Variants in ZNF350 observed in about 807,000 individuals in gnomAD.
ZNF350 encodes the protein zinc finger protein 350.
A neutral mutation model predicts 13.1 loss-of-function variants in ZNF350; 5 were observed. The observed-to-expected ratio is 0.38, with a 90% CI of 0.20 to 0.80. ZNF350 has a LOEUF of 0.80. ZNF350 is among the 30% of genes least tolerant of loss of function. ZNF350 has a pLI of 0.43. For synonymous variants in ZNF350, 199 were observed against 224.2 expected (o/e 0.89, Z 1.00); for missense variants, 534 against 644.2 (o/e 0.83, Z 1.85).
chr19:51,968,528 A>T, intron 4 of ZNF350, 50 bp downstream of exon 4: 4 of 1,533,902 alleles, frequency 2.6e-6, no homozygotes, highest in Non-Finnish European at 1.8e-6. Context: ...GCCTTCTCTG[A>T]CTGTCTAGAA....
intron 1 of ZNF350, chr19:51,984,194 A>G (rs1240694780): frequency 6.6e-6 from 1 of 152,020 alleles, no homozygotes; most frequent in South Asian, 2.1e-4. Context: ...TAAAAAAAAA[A>G]AAAAAAATCA....
chr19:51,978,542 G>A (rs940603817), intron 1 of ZNF350, among the ~76,000 whole-genome samples: 1 of 152,036 alleles, frequency 6.6e-6, no homozygotes, highest in African/African-American at 2.4e-5. Context: ...GAGAAATGAG[G>A]AAATAAAGGG....
chr19:51,965,883 T>C lies in ZNF350; in HGVS notation c.570A>G (p.Gln190=), dbSNP rs777570069. 3 of 1,614,128 alleles carry C rather than the reference T, an allele frequency of 1.9e-6. No homozygotes were observed. The highest frequency in any genetic ancestry group is 1.7e-5 in the Admixed American group (1 of 60,014). ...ASQKLISTKS[Q]FISPKHQKTR... is the part of the protein sequence containing the mutation. ...TTTTCTGATGCTTGGGACTGATGAA[T>C]TGGGACTTAGTGCTGATGAGTTTTT... The change falls in exon 5 of 5, where the codon CAA becomes CAG. Residue 190 remains glutamine (Q), a synonymous_variant. Transcript: ENST00000243644.
At chr19:51,983,716 C>T (rs2086108160) in intron 1 of ZNF350, among the ~76,000 whole-genome samples, 1 of 152,146 alleles carries the variant, frequency 6.6e-6, no homozygotes, top group Non-Finnish European at 1.5e-5. Context: ...CCCACCATTA[C>T]CCTATAGTCC....
intron 4 of ZNF350, among the ~76,000 whole-genome samples, chr19:51,966,443 C>T (rs1431893311): frequency 6.6e-6 from 1 of 151,588 alleles, no homozygotes. Context: ...GCTACCATGC[C>T]CGGCTAATTT....
At chr19:51,969,639 C>T (rs2085679405) in intron 2 of ZNF350, among the ~76,000 whole-genome samples, 1 of 151,966 alleles carries the variant, frequency 6.6e-6, no homozygotes, top group South Asian at 2.1e-4. Context: ...CAAGACCAGC[C>T]TGGGCAACAT....
At chr19:51,984,440 C>T (rs188509342) in intron 1 of ZNF350, among the ~76,000 whole-genome samples, 125 of 152,266 alleles carry the variant, frequency 8.2e-4, no homozygotes, top group Admixed American at 1.4e-3. Flanking sequence ...GTAAGTGGTA[C>T]AACCACTTTA....
intron 2 of ZNF350, among the ~76,000 whole-genome samples, chr19:51,971,493 A>G (rs919621211): frequency 6.6e-5 from 10 of 152,312 alleles, no homozygotes; most frequent in South Asian, 2.1e-4. Context: ...ATCAAACAGC[A>G]AACTGTTTAT....
At chr19:51,969,894 T>C (rs2085685990) in intron 2 of ZNF350, among the ~76,000 whole-genome samples, 1 of 152,158 alleles carries the variant, frequency 6.6e-6, no homozygotes, top group Non-Finnish European at 1.5e-5. Context: ...TCCTCCCATA[T>C]ACATTTCTGT....
rs764888407 is a variant in ZNF350 at position 51,965,138 on chromosome 19, CAGG to C, written c.1312_1314del (p.Pro438del). On this transcript the variant is annotated inframe_deletion, in exon 5 of 5. Transcript: ENST00000243644. ...GTGTGTAATGAGCTGTGCCTCTCTG[CAGG>C]AGGATTTTCCACCTTGGCTGCCTCT... is the stretch of plus-strand genomic sequence containing the variant. 1 of 1,614,224 alleles carries C rather than the reference CAGG, an allele frequency of 6.2e-7. No homozygotes were observed. Among genetic ancestry groups the C allele is most frequent in the Non-Finnish European group, 8.5e-7 (1 of 1,180,046 alleles).
intron 2 of ZNF350, chr19:51,974,136 A>G: frequency 2.1e-6 from 1 of 470,276 alleles, no homozygotes; most frequent in Non-Finnish European, 3.7e-6. Flanking sequence ...ATGGTGTCAC[A>G]AAATTCATAA....
chr19:51,978,030 A>G (rs938573699), intron 1 of ZNF350, among the ~76,000 whole-genome samples: 9 of 152,304 alleles, frequency 5.9e-5, no homozygotes, highest in African/African-American at 1.9e-4. Flanking sequence ...AGCAGAAAAA[A>G]CAGCAGGACT....
rs199891932 is a variant in ZNF350, at chr19:51,968,655, G to A, written c.161C>T (p.Pro54Leu). 3.2e-5 allele frequency: 52 copies of A among 1,613,944 alleles called. No homozygotes were observed. Among genetic ancestry groups the A allele is most frequent in the Admixed American group, 6.7e-5 (4 of 59,992 alleles). ...TTGTTCCAACTTGAAGAGTGCATCC[G>A]GTTTGCTGGCTTGATACCCTGTTCA... ...LVAVGYQASK[P>L]DALFKLEQGE... The change falls in exon 4 of 5, where the codon CCG (proline) becomes CTG (leucine). Residue 54 changes from proline (P) to leucine (L), a missense_variant. Pro to Leu is a moderately conservative substitution (Grantham distance 98). Transcript: ENST00000243644.
intron 3 of ZNF350, 145 bp downstream of exon 3, chr19:51,968,860 A>G: frequency 6.4e-7 from 1 of 1,551,274 alleles, no homozygotes; most frequent in Non-Finnish European, 8.8e-7. Flanking sequence ...AAGAGGGTAG[A>G]TTACACCGTC....
At chr19:51,970,739 A>C (rs539314456) in intron 2 of ZNF350, among the ~76,000 whole-genome samples, 2 of 152,260 alleles carry the variant, frequency 1.3e-5, no homozygotes, top group East Asian at 3.9e-4. Flanking sequence ...CTGATTAAAC[A>C]CTCCAAAATT....
chr19:51,977,701 CTG>C (rs1225263730), intron 1 of ZNF350, among the ~76,000 whole-genome samples: 1 of 152,224 alleles, frequency 6.6e-6, no homozygotes, highest in Non-Finnish European at 1.5e-5. Context: ...ATTCCTCATA[CTG>C]TGGCTGCAGA....
intron 2 of ZNF350, among the ~76,000 whole-genome samples, chr19:51,969,925 C>G (rs2122888519): frequency 6.6e-6 from 1 of 152,306 alleles, no homozygotes; most frequent in Admixed American, 6.5e-5. Context: ...TGGAGACTCA[C>G]TCTCTTTCCC....
Position 51,965,026 on chromosome 19 carries a change from CTGATGTTTAA to C in ZNF350, c.1417_1426del (p.Leu473AlafsTer9). Reference sequence around the variant, plus strand: ...TACGTTCCTGTTTGCGAGGAGGCCGCTGATGTTTAATGATGTCTGAGGGGCCACAGAAGGC... The same window carrying C: ...TACGTTCCTGTTTGCGAGGAGGCCGCTGATGTCTGAGGGGCCACAGAAGGC... On this transcript the variant is annotated frameshift_variant, in exon 5 of 5. Coordinates refer to ENST00000243644, the MANE Select transcript of ZNF350 (RefSeq NM_021632.4). LOFTEE classifies it low-confidence loss of function (END_TRUNC). 1 of 1,614,186 alleles carries C rather than the reference CTGATGTTTAA, an allele frequency of 6.2e-7. No homozygotes were observed. The highest frequency in any genetic ancestry group is 8.5e-7 in the Non-Finnish European group (1 of 1,180,040).
At chr19:51,980,940 A>C (rs191340460) in intron 1 of ZNF350, 3 of 152,318 alleles carry the variant, frequency 2.0e-5, no homozygotes, top group Admixed American at 6.5e-5. Flanking sequence ...GTAAAATCGG[A>C]TGGACCACCA....
Sources: gnomAD v4.1 joint callset for allele counts (sites outside exome capture counted in the v4.1 genomes callset) on GRCh38, gnomAD v4.1.1 for gene constraint, MANE v1.5 for transcripts, NCBI Gene and HGNC (gene_info 2026-07-23, HGNC 2026-07-21) for gene names.